Variants in NFIB observed in about 807,000 individuals in gnomAD.
NFIB encodes nuclear factor 1 B-type.
A neutral mutation model predicts 61.5 loss-of-function variants in NFIB; 11 were observed. That is an observed-to-expected ratio of 0.18 (90% CI 0.11 to 0.30). The LOEUF is 0.30. Ranked by LOEUF, NFIB falls within the 10% of genes least tolerant of loss-of-function variation. The pLI, the probability that NFIB is intolerant of heterozygous loss-of-function variation, is 1.00. For missense variants in NFIB, 471 were observed against 608.9 expected (o/e 0.77, Z 2.38); for synonymous variants, 260 against 216.5 (o/e 1.20, Z -1.76).
the NFIB span, among the ~76,000 whole-genome samples, chr9:14,462,253 T>C: frequency 6.6e-6 from 1 of 152,140 alleles, no homozygotes; most frequent in East Asian, 1.9e-4. Context: ...AATCACGGTA[T>C]GGTATTCTTT....
the NFIB span, chr9:14,531,881 C>T: frequency 6.6e-6 from 1 of 151,986 alleles, no homozygotes; most frequent in Non-Finnish European, 1.5e-5. Context: ...AGAGGAGGAG[C>T]TCGAAAGGAA....
At chr9:14,441,370 T>C in the NFIB span, among the ~76,000 whole-genome samples, 1 of 152,198 alleles carries the variant, frequency 6.6e-6, no homozygotes, top group Non-Finnish European at 1.5e-5. Flanking sequence ...CCGATTTTAA[T>C]TGCATTTTTA....
At chr9:14,088,423 T>C (rs1248099360) in intron 10 of NFIB, 97 bp from the exon 11 acceptor site, 1 of 1,245,402 alleles carries the variant, frequency 8.0e-7, no homozygotes, top group Admixed American at 3.2e-5. Context: ...TCCAGATGCA[T>C]CAAATTATTG....
At chr9:14,443,695 C>A in the NFIB span, among the ~76,000 whole-genome samples, 2 of 152,172 alleles carry the variant, frequency 1.3e-5, no homozygotes, top group South Asian at 4.1e-4. Flanking sequence ...CCTATTTTTG[C>A]CTGTGGTCTC....
intron 1 of NFIB, among the ~76,000 whole-genome samples, chr9:14,343,094 C>G (rs2132879655): frequency 6.6e-6 from 1 of 152,258 alleles, no homozygotes; most frequent in African/African-American, 2.4e-5. Flanking sequence ...ACCATTTTGC[C>G]AACCCTGTAC....
chr9:14,154,387 G>A (rs2043166207), intron 4 of NFIB, among the ~76,000 whole-genome samples: 1 of 152,066 alleles, frequency 6.6e-6, no homozygotes, highest in Admixed American at 6.6e-5. Context: ...GAAGAGTATG[G>A]GGAAGACACA....
At chr9:14,315,432 C>CGCTG (rs1176725133), upstream of NFIB, among the ~76,000 whole-genome samples, 2 of 149,856 alleles carry the variant, frequency 1.3e-5, no homozygotes, top group Non-Finnish European at 3.0e-5. Flanking sequence ...CCTGCAGCCC[C>CGCTG]GCTGGCTGGC....
At chr9:14,354,226 T>C (rs2061149844) in intron 1 of NFIB, among the ~76,000 whole-genome samples, 1 of 152,230 alleles carries the variant, frequency 6.6e-6, no homozygotes, top group African/African-American at 2.4e-5. Flanking sequence ...AAGATTTTAG[T>C]GTCTCCTTTC....
intron 2 of NFIB, among the ~76,000 whole-genome samples, chr9:14,291,864 T>A (rs971187424): frequency 6.6e-6 from 1 of 151,958 alleles, no homozygotes; most frequent in Non-Finnish European, 1.5e-5. Context: ...TATTGGAAAA[T>A]TGGCCATATA....
the NFIB span, among the ~76,000 whole-genome samples, chr9:14,488,102 G>A: frequency 4.6e-5 from 7 of 152,146 alleles, no homozygotes; most frequent in South Asian, 6.2e-4. Flanking sequence ...GGCCAGGCAC[G>A]GTGGCTGGCT....
At chr9:14,483,386 T>C in the NFIB span, among the ~76,000 whole-genome samples, 2 of 152,196 alleles carry the variant, frequency 1.3e-5, no homozygotes, top group Non-Finnish European at 2.9e-5. Context: ...ATACACAGAA[T>C]ACTGGATATG....
chr9:14,420,571 T>G, the NFIB span, among the ~76,000 whole-genome samples: 1 of 152,030 alleles, frequency 6.6e-6, no homozygotes, highest in Non-Finnish European at 1.5e-5. Flanking sequence ...GATGAAGATA[T>G]TTGGTAGCAA....
At chr9:14,467,193 G>C in the NFIB span, among the ~76,000 whole-genome samples, 2 of 152,124 alleles carry the variant, frequency 1.3e-5, no homozygotes, top group Non-Finnish European at 2.9e-5. Flanking sequence ...GATGAGTTTA[G>C]GGCACCACAG....
At chr9:14,093,049 TTTAGCTCAC>T (rs1416574171) in intron 10 of NFIB, among the ~76,000 whole-genome samples, 1 of 151,984 alleles carries the variant, frequency 6.6e-6, no homozygotes, top group Admixed American at 6.6e-5. Flanking sequence ...GCCCTTACCT[TTTAGCTCAC>T]TAACACCTAG....
intron 2 of NFIB, among the ~76,000 whole-genome samples, chr9:14,250,591 G>C (rs1041664990): frequency 1.3e-5 from 2 of 152,176 alleles, no homozygotes; most frequent in Admixed American, 6.5e-5. Flanking sequence ...AAGAACTTTG[G>C]TGTTCCCTTG....
At chr9:14,345,992 G>T (rs1412327392) in intron 1 of NFIB, among the ~76,000 whole-genome samples, 2 of 152,172 alleles carry the variant, frequency 1.3e-5, no homozygotes, top group East Asian at 3.9e-4. Context: ...GTGGCAACAT[G>T]GGCCAAGTGG....
At chr9:14,345,589 C>A (rs1392513876) in intron 1 of NFIB, among the ~76,000 whole-genome samples, 1 of 152,186 alleles carries the variant, frequency 6.6e-6, no homozygotes, top group East Asian at 1.9e-4. Flanking sequence ...AAACGCAAAT[C>A]AGAGCCGTGC....
chr9:14,145,418 C>G (rs1374022912), intron 6 of NFIB, among the ~76,000 whole-genome samples: 1 of 152,128 alleles, frequency 6.6e-6, no homozygotes, highest in East Asian at 1.9e-4. Context: ...GTACACTTGA[C>G]TCAAAGGCCA....
intron 3 of NFIB, among the ~76,000 whole-genome samples, chr9:14,164,569 A>C (rs1587205533): frequency 6.6e-6 from 1 of 152,314 alleles, no homozygotes; most frequent in East Asian, 1.9e-4. Flanking sequence ...GTGGTACATG[A>C]CATACAAATA....
Sources: allele counts gnomAD v4.1 joint callset (sites outside exome capture counted in the v4.1 genomes callset), GRCh38; gene constraint gnomAD v4.1.1; transcripts MANE v1.5; gene names NCBI Gene and HGNC (gene_info 2026-07-23, HGNC 2026-07-21).